COL9A1: variants seen among roughly 807,000 people sequenced by gnomAD.
The protein encoded by COL9A1 is collagen type IX alpha 1 chain.
A neutral mutation model predicts 142.6 loss-of-function variants in COL9A1; 104 were observed. The ratio of observed to expected loss-of-function variants is 0.73; its 90% CI spans 0.62 to 0.86. The LOEUF (loss-of-function observed/expected upper bound fraction) is 0.86, where lower values mean the gene tolerates loss of function less well. Among genes scored for constraint, COL9A1 ranks in the 40% least tolerant of loss-of-function variants. The pLI is 0.00. For synonymous variants in COL9A1, 466 were observed against 396.0 expected (o/e 1.18, Z -2.10); for missense variants, 1,210 against 1,176.6 (o/e 1.03, Z -0.42).
At chr6:70,266,622 A>G in intron 18 of COL9A1, 95 bp downstream of exon 18, 2 of 964,388 alleles carry the variant, frequency 2.1e-6, no homozygotes, top group East Asian at 2.4e-5. Context: ...TAAAATATCG[A>G]GGTTCATTAT....
At chr6:70,267,386 G>A (rs774722145) in intron 17 of COL9A1, among the ~76,000 whole-genome samples, 9 of 144,134 alleles carry the variant, frequency 6.2e-5, no homozygotes, top group South Asian at 2.2e-4. Flanking sequence ...GCAATGGCGC[G>A]ACCTCTGCTC....
intron 19 of COL9A1, 51 bp downstream of exon 19, chr6:70,263,193 A>G (rs1234686071): frequency 7.2e-7 from 1 of 1,383,570 alleles, no homozygotes; most frequent in Admixed American, 1.9e-5. Context: ...AGTCATGAAA[A>G]AAAAGAATAT....
chr6:70,242,711 C>T lies in COL9A1; in HGVS notation c.1877G>A (p.Ser626Asn), dbSNP rs758159064. 4 of 1,613,974 alleles carry T rather than the reference C, an allele frequency of 2.5e-6. No individual in the cohort carries two copies. In the African/African-American group the frequency reaches 4.0e-5, roughly 16 times the overall value. ...TCCCACTGGTCCTAATTCTCCTCTA[C>T]TGCCCTGTAAAAACACAAACATTGT... ...GPRGPQGLPG[S>N]RGELGPVGSP... Residue 626 changes from serine to asparagine, a missense_variant, in exon 29 of 38, where the codon AGT becomes AAT. Physicochemically the swap from Ser to Asn is conservative, Grantham distance 46 (BLOSUM62 1). Coordinates refer to ENST00000357250, the MANE Select transcript of COL9A1 (RefSeq NM_001851.6).
intron 21 of COL9A1, among the ~76,000 whole-genome samples, chr6:70,255,987 G>T (rs930072392): frequency 3.9e-5 from 6 of 152,094 alleles, no homozygotes; most frequent in African/African-American, 1.2e-4. Flanking sequence ...TCTCCATTAT[G>T]TATCTCTACC....
chr6:70,263,428 A>T, intron 18 of COL9A1, 131 bp from the exon 19 acceptor site: 3 of 675,762 alleles, frequency 4.4e-6, no homozygotes, highest in Non-Finnish European at 5.0e-6. Flanking sequence ...ACTTTCTTAA[A>T]TTATTTATAT....
intron 26 of COL9A1, among the ~76,000 whole-genome samples, chr6:70,252,893 CTT>C (rs1169181041): frequency 6.6e-6 from 1 of 152,056 alleles, no homozygotes; most frequent in Non-Finnish European, 1.5e-5. Flanking sequence ...TGTTATTCAC[CTT>C]TTATCTCTTT....
intron 33 of COL9A1, among the ~76,000 whole-genome samples, chr6:70,236,898 C>A (rs1284360603): frequency 6.6e-6 from 1 of 151,986 alleles, no homozygotes; most frequent in Non-Finnish European, 1.5e-5. Context: ...CTCGGCTCAC[C>A]ACAACCTCCA....
intron 25 of COL9A1, among the ~76,000 whole-genome samples, 172 bp from the exon 26 acceptor site, chr6:70,253,601 C>T (rs1771091029): frequency 6.6e-6 from 1 of 152,180 alleles, no homozygotes; most frequent in African/African-American, 2.4e-5. Context: ...TATAGAATTA[C>T]CCACAGTTTA....
chr6:70,255,240 T>A (rs1212626638), intron 22 of COL9A1, 37 bp from the exon 23 acceptor site: 1 of 1,612,660 alleles, frequency 6.2e-7, no homozygotes, highest in South Asian at 1.1e-5. Flanking sequence ...CAAGACATGT[T>A]CAGTTAACAT....
rs567875110 is a variant in COL9A1, at chr6:70,267,783, T to C, written c.1288-1013A>G. Among the ~76,000 whole-genome samples, 16 of 152,304 alleles carry C rather than the reference T, an allele frequency of 1.1e-4. No individual in the cohort carries two copies. The East Asian group carries it at 3.1e-3, about 29-fold the overall frequency. The stretch of plus-strand genomic sequence containing the variant: ...AAACTGTGAGACAAGCGTTCCAAAA[T>C]GAAAACTGTCGGAACTTTCACCCCT... On this transcript the variant is annotated intron_variant, in intron 17 of 37. Coordinates refer to ENST00000357250, the MANE Select transcript of COL9A1 (RefSeq NM_001851.6).
intron 17 of COL9A1, 137 bp from the exon 18 acceptor site, chr6:70,266,907 C>A: frequency 1.3e-6 from 1 of 751,388 alleles, no homozygotes; most frequent in Non-Finnish European, 2.4e-6. Context: ...AAAATTAATG[C>A]CTTAAATGAC....
At chr6:70,230,219 T>C (rs897416248) in intron 36 of COL9A1, among the ~76,000 whole-genome samples, 5 of 152,200 alleles carry the variant, frequency 3.3e-5, no homozygotes, top group Admixed American at 1.3e-4. Context: ...TTCTAATAAA[T>C]ACTCCTGTTA....
chr6:70,256,641 CAT>C (rs888145554), intron 21 of COL9A1, 125 bp downstream of exon 21: 9 of 634,126 alleles, frequency 1.4e-5, no homozygotes, highest in South Asian at 2.2e-5. Flanking sequence ...TAAATTTAAA[CAT>C]ATATATATAA....
In COL9A1 at chr6:70,257,090, C is replaced by T. The variant is rs541300213; in HGVS notation, c.1450-269G>A. 9.7e-5 allele frequency among the ~76,000 whole-genome samples: 10 copies of T among 103,146 alleles called. No homozygotes were observed. The East Asian group carries it at 2.7e-3, about 28-fold the overall frequency. The allele number at this position is 103,146 out of a possible 152,430, so 67.7% of individuals were successfully genotyped here. ...TTTTTTTTTTTTGTAGACAGGGTTT[C>T]GCTCTTGTTGCCCAGGCTGGAGTGC... On this transcript the variant is annotated intron_variant, in intron 20 of 37. Transcript: ENST00000357250.
chr6:70,295,429 G>A (rs1238479468), intron 4 of COL9A1, among the ~76,000 whole-genome samples: 4 of 151,628 alleles, frequency 2.6e-5, no homozygotes, highest in Non-Finnish European at 4.4e-5. Flanking sequence ...TGGGATTACA[G>A]GCGCCCACCA....
chr6:70,219,134 G>C (rs972650857), intron 37 of COL9A1, among the ~76,000 whole-genome samples: 1 of 152,160 alleles, frequency 6.6e-6, no homozygotes, highest in African/African-American at 2.4e-5. Flanking sequence ...AGTTAAAGGT[G>C]AAGTTGATTT....
At position 70,220,838 on chromosome 6, in the gene COL9A1, C is replaced by T. The variant is rs532692113; in HGVS notation, c.2582-3757G>A. The stretch of plus-strand genomic sequence containing the variant: ...AACATGCATCTAAAGTGTTATTCTG[C>T]TCTGCCTGCCTCATGTGTGTATTAC... On this transcript the variant is annotated intron_variant, in intron 37 of 37. Transcript: ENST00000357250. Among the ~76,000 whole-genome samples the T allele has an allele frequency of 2.0e-5, 3 of 152,316 alleles. No homozygotes were observed. In the South Asian group the frequency reaches 6.2e-4, roughly 32 times the overall value.
rs528397954 is a variant in COL9A1, at chr6:70,281,155, G to A, written c.877-116C>T. On this transcript the variant is annotated intron_variant, in intron 8 of 37. Transcript: ENST00000357250. ...GATGGGGATGGTGTAAGGGTCAAAC[G>A]TGGAGGTTCATGACCAACAAGGACA... The A allele has an allele frequency of 7.4e-6, 7 of 942,766 alleles. No homozygotes were observed. In the South Asian group the frequency reaches 8.1e-5, roughly 11 times the overall value. The allele number at this position is 942,766 out of a possible 1,614,324, so 58.4% of individuals were successfully genotyped here.
chr6:70,253,511 GA>G (rs1771084665), intron 25 of COL9A1, 82 bp from the exon 26 acceptor site: 14 of 953,028 alleles, frequency 1.5e-5, no homozygotes, highest in Non-Finnish European at 1.9e-5. Flanking sequence ...ACACTGCAGG[GA>G]GGCTGAGGGA....
Sources: allele counts gnomAD v4.1 joint callset (sites outside exome capture counted in the v4.1 genomes callset), GRCh38; gene constraint gnomAD v4.1.1; transcripts MANE v1.5; gene names NCBI Gene and HGNC (gene_info 2026-07-23, HGNC 2026-07-21).